Variants in GRID1 observed in about 807,000 individuals in gnomAD.
The protein encoded by GRID1 is glutamate ionotropic receptor delta type subunit 1, also known as glutamate receptor ionotropic, delta-1.
In GRID1, 28 loss-of-function variants were observed where a neutral mutation model predicts 98.0. That is an observed-to-expected ratio of 0.29 (90% CI 0.21 to 0.39). The LOEUF (loss-of-function observed/expected upper bound fraction) is 0.39, where lower values mean the gene tolerates loss of function less well. Among genes scored for constraint, GRID1 ranks in the 10% least tolerant of loss-of-function variants. The pLI, the probability that GRID1 is intolerant of heterozygous loss-of-function variation, is 1.00. For synonymous variants in GRID1, 553 were observed against 538.5 expected (o/e 1.03, Z -0.37); for missense variants, 1,111 against 1,340.5 (o/e 0.83, Z 2.67).
At chr10:86,048,600 C>A (rs1425891223) in intron 4 of GRID1, among the ~76,000 whole-genome samples, 1 of 152,200 alleles carries the variant, frequency 6.6e-6, no homozygotes, top group Non-Finnish European at 1.5e-5. Context: ...AGGCTCATGG[C>A]AACACTCCCA....
At chr10:85,822,304 T>C (rs1471530038) in intron 8 of GRID1, among the ~76,000 whole-genome samples, 2 of 152,200 alleles carry the variant, frequency 1.3e-5, no homozygotes, top group South Asian at 2.1e-4. Flanking sequence ...AAAGGGCTAC[T>C]ATCCAGAATC....
chr10:85,920,954 C>T (rs545927714), intron 4 of GRID1, among the ~76,000 whole-genome samples: 1 of 152,306 alleles, frequency 6.6e-6, no homozygotes, highest in Admixed American at 6.5e-5. Flanking sequence ...ATGCCTGCAC[C>T]CCTCTAAATT....
At chr10:86,300,281 T>C (rs1847662542) in intron 2 of GRID1, among the ~76,000 whole-genome samples, 1 of 151,460 alleles carries the variant, frequency 6.6e-6, no homozygotes. Context: ...AGCCATCCAG[T>C]TTGTGGAAAT....
rs553663775 is a variant in GRID1 at position 85,775,101 on chromosome 10, A to T, written c.1234-45487T>A. On this transcript the variant is annotated intron_variant, in intron 8 of 15. Transcript: ENST00000327946. ...CAAATGTCCATCAATGATAGACTGG[A>T]TTAAGAAAATGTGGCACATATACAC... Among the ~76,000 whole-genome samples, 10 of 152,330 alleles carry T rather than the reference A, an allele frequency of 6.6e-5. No individual in the cohort carries two copies. In the South Asian group the frequency reaches 2.1e-3, roughly 32 times the overall value.
At chr10:86,317,670 C>A (rs930529708) in intron 2 of GRID1, among the ~76,000 whole-genome samples, 1 of 152,096 alleles carries the variant, frequency 6.6e-6, no homozygotes, top group African/African-American at 2.4e-5. Context: ...CAAGAGGGTC[C>A]CCATTCCTGA....
chr10:86,070,843 T>C (rs547057473), intron 4 of GRID1, among the ~76,000 whole-genome samples: 2 of 152,244 alleles, frequency 1.3e-5, no homozygotes, highest in East Asian at 3.9e-4. Flanking sequence ...CTGGAGGAGC[T>C]CTCAGGCTAA....
In GRID1 at chr10:85,649,667, A is replaced by T. The variant is rs75866154; in HGVS notation, c.1998-2270T>A. 7.4e-3 allele frequency among the ~76,000 whole-genome samples: 1,122 copies of T among 152,198 alleles called. 12 individuals carry two copies. The highest frequency in any genetic ancestry group is 0.026 in the African/African-American group (1,074 of 41,520). On this transcript the variant is annotated intron_variant, in intron 12 of 15. Transcript: ENST00000327946. Reference sequence around the variant, plus strand: ...GGGTAACTGCCAGGGATCTCCAAACACTGTTTCATCCCCACATTTGAAATG... The same window carrying T: ...GGGTAACTGCCAGGGATCTCCAAACTCTGTTTCATCCCCACATTTGAAATG...
At chr10:85,911,024 C>T (rs559852069) in intron 5 of GRID1, among the ~76,000 whole-genome samples, 1 of 152,218 alleles carries the variant, frequency 6.6e-6, no homozygotes, top group South Asian at 2.1e-4. Flanking sequence ...CATCCATTTG[C>T]AGGGATGACC....
At chr10:85,809,708 G>T (rs1842653471) in intron 8 of GRID1, among the ~76,000 whole-genome samples, 3 of 152,194 alleles carry the variant, frequency 2.0e-5, no homozygotes, top group Admixed American at 2.0e-4. Flanking sequence ...AAGGAGTAGT[G>T]AAGTCATTTC....
At chr10:86,313,534 G>A (rs909643105) in intron 2 of GRID1, among the ~76,000 whole-genome samples, 1 of 152,216 alleles carries the variant, frequency 6.6e-6, no homozygotes, top group Non-Finnish European at 1.5e-5. Flanking sequence ...CTTGAAGTGT[G>A]GCACAGGGGC....
chr10:85,612,700 G>A (rs1267425599), intron 15 of GRID1, among the ~76,000 whole-genome samples: 3 of 151,554 alleles, frequency 2.0e-5, no homozygotes, highest in African/African-American at 7.3e-5. Flanking sequence ...TAGGGCAAAG[G>A]TCTCCGGGGG....
chr10:86,125,252 C>A (rs148518326), intron 4 of GRID1, among the ~76,000 whole-genome samples: 1 of 152,244 alleles, frequency 6.6e-6, no homozygotes, highest in African/African-American at 2.4e-5. Context: ...CTCATGCTAA[C>A]GGTCAGGCAG....
chr10:86,244,628 C>T (rs908033106), intron 2 of GRID1, among the ~76,000 whole-genome samples: 4 of 152,226 alleles, frequency 2.6e-5, no homozygotes, highest in African/African-American at 7.2e-5. Context: ...CTGGCTCCAG[C>T]GGCGAACACA....
rs576422681 is a variant in GRID1 at position 86,292,701 on chromosome 10, G to T, written c.235+71240C>A. Among the ~76,000 whole-genome samples, 3 of 152,256 alleles carry T rather than the reference G, an allele frequency of 2.0e-5. No individual in the cohort carries two copies. In the South Asian group the frequency reaches 6.2e-4, roughly 32 times the overall value. ...TGTGTGCAAGTGTGGGTGAGTGTGAGTGTGGATGTGGGTGGGTGGGTGCGA... is the reference window on the plus strand; with the variant it reads ...TGTGTGCAAGTGTGGGTGAGTGTGATTGTGGATGTGGGTGGGTGGGTGCGA... On this transcript the variant is annotated intron_variant, in intron 2 of 15. Coordinates refer to ENST00000327946, the MANE Select transcript of GRID1 (RefSeq NM_017551.3).
At chr10:85,801,460 G>A (rs1842576081) in intron 8 of GRID1, among the ~76,000 whole-genome samples, 1 of 151,764 alleles carries the variant, frequency 6.6e-6, no homozygotes, top group Admixed American at 6.6e-5. Flanking sequence ...AATGTAAAAT[G>A]TCTAAATAAA....
At position 86,365,757 on chromosome 10, in the gene GRID1, A is replaced by G. The variant is rs556175099; in HGVS notation, c.79+557T>C. 6.6e-6 allele frequency among the ~76,000 whole-genome samples: 1 copy of G among 152,182 alleles called. No homozygotes were observed. Among genetic ancestry groups the G allele is most frequent in the Admixed American group, 6.5e-5 (1 of 15,300 alleles). ...ACTGTGTCCACTCTAACAGGCTGAC[A>G]GACAGTCGTGCACGCACCAACACAC... On this transcript the variant is annotated intron_variant, in intron 1 of 15. Transcript: ENST00000327946. The surrounding 1 kb of genome is among the most constrained non-coding windows in gnomAD (Gnocchi z 4.8).
chr10:86,038,382 C>G (rs1843299772), intron 4 of GRID1, among the ~76,000 whole-genome samples: 1 of 152,222 alleles, frequency 6.6e-6, no homozygotes, highest in Admixed American at 6.5e-5. Flanking sequence ...AGATTGAAAT[C>G]TTGCATCCAC....
Position 85,602,396 on chromosome 10 carries a change from C to A in GRID1, c.2907G>T (p.Arg969Ser), listed in dbSNP as rs765508261. The change falls in exon 16 of 16, where the codon AGG becomes AGT. Residue 969 changes from arginine (R) to serine (S), a missense_variant. Physicochemically the swap from Arg to Ser is moderately radical, Grantham distance 110 (BLOSUM62 -1). Coordinates refer to ENST00000327946, the MANE Select transcript of GRID1 (RefSeq NM_017551.3). ...ATMPSMQCKH[R>S]SPNGGLFRQS... The stretch of plus-strand genomic sequence containing the variant: ...GCCGGAACAGCCCCCCGTTGGGTGA[C>A]CTGTGTTTGCACTGCATGGAGGGCA... 5 of 1,610,746 alleles carry A rather than the reference C, an allele frequency of 3.1e-6. No homozygotes were observed. The highest frequency in any genetic ancestry group is 4.2e-6 in the Non-Finnish European group (5 of 1,177,414).
chr10:85,905,510 T>C (rs935679092), intron 5 of GRID1, among the ~76,000 whole-genome samples: 1 of 152,124 alleles, frequency 6.6e-6, no homozygotes, highest in African/African-American at 2.4e-5. Flanking sequence ...TACTTAAATC[T>C]CTTTAAAAGA....
Sources: gnomAD v4.1 joint callset for allele counts (sites outside exome capture counted in the v4.1 genomes callset) on GRCh38, gnomAD v4.1.1 for gene constraint, Gnocchi (gnomAD v3.1) non-coding constraint, MANE v1.5 for transcripts, NCBI Gene and HGNC (gene_info 2026-07-23, HGNC 2026-07-21) for gene names.